KCTD1: variants seen among roughly 807,000 people sequenced by gnomAD.
KCTD1 encodes the protein potassium channel tetramerization domain containing 1.
KCTD1 carries 24 observed loss-of-function variants against 66.0 expected under a neutral mutation model. The observed-to-expected ratio is 0.36, with a 90% CI of 0.26 to 0.51. The LOEUF (loss-of-function observed/expected upper bound fraction) is 0.51. KCTD1 is among the 20% of genes least tolerant of loss of function. The pLI is 0.95. For synonymous variants in KCTD1, 511 were observed against 517.2 expected (o/e 0.99, Z 0.16); for missense variants, 943 against 1,205.2 (o/e 0.78, Z 3.22).
At chr18:26,610,308 C>T (rs1943682931) in intron 1 of KCTD1, among the ~76,000 whole-genome samples, 1 of 152,186 alleles carries the variant, frequency 6.6e-6, no homozygotes, top group South Asian at 2.1e-4. Flanking sequence ...CATGGTGGCT[C>T]ATGCCTGTAA....
Position 26,600,254 on chromosome 18 carries a change from G to A in KCTD1, c.-16+28893C>T, listed in dbSNP as rs947859469. On this transcript the variant is annotated intron_variant, in intron 1 of 4. Coordinates refer to the KCTD1 transcript ENST00000317932. ...AACTGCTACCTGGGTGATGCCTTCC[G>A]CTGTGCCAGCTGCCCCTACCTTGGG... 95 of 1,606,766 alleles carry A rather than the reference G, an allele frequency of 5.9e-5. 1 individual carries two copies. The highest frequency in any genetic ancestry group is 2.8e-4 in the South Asian group (25 of 90,882).
At chr18:26,554,956 ATTTC>A (rs1985671013) in intron 1 of KCTD1, among the ~76,000 whole-genome samples, 1 of 152,194 alleles carries the variant, frequency 6.6e-6, no homozygotes, top group Admixed American at 6.5e-5. Flanking sequence ...AATGATAGTC[ATTTC>A]TTTCTCTATC....
chr18:26,464,785 GGGACCCTCGGCA>G (rs1431080975), intron 3 of KCTD1, among the ~76,000 whole-genome samples: 3 of 152,156 alleles, frequency 2.0e-5, no homozygotes, highest in Non-Finnish European at 4.4e-5. Context: ...TCCTGCTCTT[GGGACCCTCGGCA>G]GTGGGTGGTT....
chr18:26,556,705 G>A (rs1260536653), intron 1 of KCTD1, among the ~76,000 whole-genome samples: 1 of 152,048 alleles, frequency 6.6e-6, no homozygotes, highest in African/African-American at 2.4e-5. Flanking sequence ...TATATGTGAG[G>A]GTTGTTCCTA....
At chr18:26,467,136 G>GT (rs71376962) in intron 3 of KCTD1, among the ~76,000 whole-genome samples, 1,510 of 130,086 alleles carry the variant, frequency 0.012, 14 homozygotes, top group African/African-American at 0.022. Context: ...GGTATAGTTT[G>GT]TTTTTTTTTT....
At chr18:26,473,734 C>T (rs1436384684) in intron 3 of KCTD1, among the ~76,000 whole-genome samples, 5 of 152,280 alleles carry the variant, frequency 3.3e-5, no homozygotes, top group South Asian at 2.1e-4. Context: ...AAGCTCAGTG[C>T]GGTGAGATGC....
intron 2 of KCTD1, among the ~76,000 whole-genome samples, chr18:26,491,811 T>C (rs1251941292): frequency 1.3e-5 from 2 of 152,200 alleles, no homozygotes; most frequent in African/African-American, 4.8e-5. Context: ...TGAAATATCA[T>C]AGACAACTTG....
intron 2 of KCTD1, among the ~76,000 whole-genome samples, chr18:26,490,771 G>A (rs977123400): frequency 6.6e-6 from 1 of 151,476 alleles, no homozygotes; most frequent in Non-Finnish European, 1.5e-5. Flanking sequence ...TTTTTTTTTA[G>A]ATAGAGTCTT....
chr18:26,477,130 GT>G (rs1981390612), intron 2 of KCTD1, among the ~76,000 whole-genome samples: 1 of 152,204 alleles, frequency 6.6e-6, no homozygotes, highest in South Asian at 2.1e-4. Context: ...AAGCCTATAT[GT>G]TGACATCTAC....
chr18:26,629,849 C>T (rs1306038963), upstream of KCTD1, among the ~76,000 whole-genome samples: 1 of 151,916 alleles, frequency 6.6e-6, no homozygotes, highest in African/African-American at 2.4e-5. Context: ...TCCTGAGTAG[C>T]TGGGATTATA....
chr18:26,471,728 C>T (rs1157574563), intron 3 of KCTD1, among the ~76,000 whole-genome samples: 1 of 152,286 alleles, frequency 6.6e-6, no homozygotes, highest in Admixed American at 6.5e-5. Flanking sequence ...CTGGGTAACA[C>T]AGCATCTCTA....
chr18:26,497,243 A>C (rs1185465707), intron 2 of KCTD1, among the ~76,000 whole-genome samples: 1 of 152,188 alleles, frequency 6.6e-6, no homozygotes, highest in African/African-American at 2.4e-5. Flanking sequence ...GTATTTTTAA[A>C]CTACAGGTCT....
chr18:26,656,611 G>A (rs1324720250), intron 1 of KCTD1, among the ~76,000 whole-genome samples: 1 of 151,350 alleles, frequency 6.6e-6, no homozygotes, highest in Non-Finnish European at 1.5e-5. Flanking sequence ...CGGGCAAAAG[G>A]GGGAAGGAAA....
At chr18:26,505,130 CTG>C (rs1251700940) in intron 1 of KCTD1, among the ~76,000 whole-genome samples, 1 of 152,272 alleles carries the variant, frequency 6.6e-6, no homozygotes, top group Non-Finnish European at 1.5e-5. Context: ...GGAATCCTTC[CTG>C]TTACACAGCT....
upstream of KCTD1, among the ~76,000 whole-genome samples, chr18:26,645,211 C>T (rs1429596801): frequency 3.9e-5 from 6 of 152,154 alleles, no homozygotes; most frequent in Non-Finnish European, 8.8e-5. Context: ...TCATGTTTCC[C>T]AGGGTTATTT....
chr18:26,632,585 T>TA (rs1175449930), upstream of KCTD1, among the ~76,000 whole-genome samples: 2 of 152,068 alleles, frequency 1.3e-5, no homozygotes, highest in African/African-American at 4.8e-5. Context: ...ACTGAGTTTT[T>TA]AAAAAAATTA....
intron 2 of KCTD1, among the ~76,000 whole-genome samples, chr18:26,477,835 A>G (rs1412914196): frequency 6.6e-6 from 1 of 152,232 alleles, no homozygotes; most frequent in East Asian, 1.9e-4. Flanking sequence ...CTCTGAAGGT[A>G]GTAAGTGCAA....
chr18:26,533,581 C>A (rs1450584043), intron 1 of KCTD1, among the ~76,000 whole-genome samples: 3 of 152,142 alleles, frequency 2.0e-5, no homozygotes, highest in Non-Finnish European at 4.4e-5. Flanking sequence ...CTCACTGCAA[C>A]CTCCACCTCC....
At position 26,651,799 on chromosome 18, in the gene KCTD1, A is replaced by AAAG. The variant is rs10530531; in HGVS notation, c.9+5558_9+5560dup. ...ACTCGGTCTCAAAAAAAAAAAAAAA[A>AAAG]AAGAAGAAGAAGAAGAAGAAGAAGG... On this transcript the variant is annotated intron_variant, in intron 1 of 4. Coordinates refer to the KCTD1 transcript ENST00000580191. 1.1e-3 allele frequency among the ~76,000 whole-genome samples: 124 copies of AAAG among 117,140 alleles called. 1 individual carries two copies. The highest frequency in any genetic ancestry group is 2.9e-3 in the African/African-American group (81 of 28,082). 76.8% of individuals were successfully genotyped at this position (117,140 alleles called of 152,430 possible). A position where few individuals can be genotyped will look rare whatever the true frequency, so the allele number is the denominator to read the frequency against.
Sources: gnomAD v4.1 joint callset for allele counts (sites outside exome capture counted in the v4.1 genomes callset) on GRCh38, gnomAD v4.1.1 for gene constraint, MANE v1.5 for transcripts, NCBI Gene and HGNC (gene_info 2026-07-23, HGNC 2026-07-21) for gene names.